ATG10: variants seen among roughly 807,000 people sequenced by gnomAD.
ATG10 encodes ubiquitin-like-conjugating enzyme ATG10.
ATG10 carries 30 observed loss-of-function variants against 32.1 expected under a neutral mutation model. The ratio of observed to expected loss-of-function variants is 0.94; its 90% CI spans 0.70 to 1.27. The LOEUF is 1.27. Ranked by LOEUF, ATG10 falls within the 50% of genes most tolerant of loss-of-function variation. The pLI, the probability that ATG10 is intolerant of heterozygous loss-of-function variation, is 0.00. For missense variants in ATG10, 233 were observed against 262.3 expected, an observed-to-expected ratio of 0.89 and a Z score of 0.77; for synonymous variants, 87 against 91.5, an observed-to-expected ratio of 0.95 and a Z score of 0.28.
intron 4 of ATG10, among the ~76,000 whole-genome samples, chr5:82,176,956 A>C (rs1450966930): frequency 6.6e-6 from 1 of 152,228 alleles, no homozygotes; most frequent in East Asian, 1.9e-4. Context: ...TTTAGGTCAA[A>C]CATGAGAAAT....
At chr5:82,118,202 A>G (rs1383029471) in intron 3 of ATG10, among the ~76,000 whole-genome samples, 4 of 150,750 alleles carry the variant, frequency 2.7e-5, no homozygotes, top group Admixed American at 6.6e-5. Flanking sequence ...CTTTGTAATT[A>G]CATGTGTAAT....
At chr5:82,033,762 A>ATG (rs952580888) in intron 2 of ATG10, among the ~76,000 whole-genome samples, 13 of 147,344 alleles carry the variant, frequency 8.8e-5, no homozygotes, top group Admixed American at 2.7e-4. Flanking sequence ...ACACACACAT[A>ATG]TGTGTGTATA....
chr5:82,131,641 C>CTT (rs71000885), intron 3 of ATG10, among the ~76,000 whole-genome samples: 11 of 146,442 alleles, frequency 7.5e-5, no homozygotes, highest in Non-Finnish European at 1.1e-4. Context: ...TTTTATTCTA[C>CTT]TTTTTTTTTT....
At chr5:82,094,587 A>T (rs1031039616) in intron 3 of ATG10, among the ~76,000 whole-genome samples, 1 of 152,264 alleles carries the variant, frequency 6.6e-6, no homozygotes, top group South Asian at 2.1e-4. Flanking sequence ...AAATACGCTC[A>T]TAAGTTTTAA....
chr5:82,246,026 A>G (rs1194477444), intron 5 of ATG10, among the ~76,000 whole-genome samples: 2 of 151,570 alleles, frequency 1.3e-5, no homozygotes, highest in Non-Finnish European at 2.9e-5. Flanking sequence ...TCTCAAAAAC[A>G]TGCTTACTAA....
chr5:82,159,822 A>G (rs1190421934), intron 3 of ATG10, among the ~76,000 whole-genome samples: 1 of 152,184 alleles, frequency 6.6e-6, no homozygotes, highest in Non-Finnish European at 1.5e-5. Context: ...ACAAGCCTCA[A>G]ATTGCCTCAC....
intron 3 of ATG10, among the ~76,000 whole-genome samples, chr5:82,076,710 T>C (rs1175216292): frequency 6.6e-6 from 1 of 152,168 alleles, no homozygotes; most frequent in African/African-American, 2.4e-5. Context: ...ATACTAGAAG[T>C]CAGATAATAT....
chr5:82,022,290 T>C (rs901789683), intron 2 of ATG10, among the ~76,000 whole-genome samples: 8 of 152,102 alleles, frequency 5.3e-5, no homozygotes, highest in Non-Finnish European at 7.4e-5. Flanking sequence ...CATGTTTAGT[T>C]TTTAAAATAT....
intron 3 of ATG10, among the ~76,000 whole-genome samples, chr5:82,069,301 A>AT (rs572096917): frequency 4.6e-4 from 70 of 151,486 alleles, no homozygotes; most frequent in Non-Finnish European, 8.4e-4. Context: ...ACTTGTCTGG[A>AT]TTTTTTTTTA....
intron 2 of ATG10, among the ~76,000 whole-genome samples, chr5:82,030,824 T>G (rs1762723761): frequency 6.6e-6 from 1 of 152,218 alleles, no homozygotes; most frequent in Admixed American, 6.5e-5. Context: ...TCTTGTGTCT[T>G]AAAATTGTGT....
intron 2 of ATG10, among the ~76,000 whole-genome samples, chr5:81,993,364 T>TTTCTTTCTTTCTTTCTTTC (rs374179266): frequency 2.9e-5 from 1 of 34,142 alleles, no homozygotes; most frequent in African/African-American, 1.2e-4. Flanking sequence ...TCTTTCCTTC[T>TTTCTTTCTTTCTTTCTTTC]TTTCTTTTCT....
chr5:82,097,401 A>G (rs1327918278), intron 3 of ATG10, among the ~76,000 whole-genome samples: 1 of 152,172 alleles, frequency 6.6e-6, no homozygotes, highest in Non-Finnish European at 1.5e-5. Flanking sequence ...GAAAAGGTTT[A>G]TCAAAACATC....
At chr5:82,055,193 A>C (rs1203023454) in intron 2 of ATG10, among the ~76,000 whole-genome samples, 2 of 152,118 alleles carry the variant, frequency 1.3e-5, no homozygotes, top group African/African-American at 2.4e-5. Context: ...AATCCAAAAA[A>C]CTCTATATTT....
intron 5 of ATG10, among the ~76,000 whole-genome samples, chr5:82,236,382 C>T (rs548178894): frequency 2.0e-4 from 30 of 152,212 alleles, no homozygotes; most frequent in African/African-American, 5.3e-4. Context: ...TTTGGGAACT[C>T]GGAGTTCTGG....
chr5:82,136,733 AT>A, intron 3 of ATG10, among the ~76,000 whole-genome samples: 1 of 152,094 alleles, frequency 6.6e-6, no homozygotes, highest in South Asian at 2.1e-4. Context: ...TATTCTCTGA[AT>A]TTTCTGAATT....
chr5:82,190,734 A>G (rs1744627114), intron 5 of ATG10, among the ~76,000 whole-genome samples: 1 of 127,516 alleles, frequency 7.8e-6, no homozygotes, highest in South Asian at 2.7e-4. Flanking sequence ...AGATCACACC[A>G]CTGCACTCCA....
chr5:82,106,951 A>G (rs1184201423), intron 3 of ATG10, among the ~76,000 whole-genome samples: 1 of 152,008 alleles, frequency 6.6e-6, no homozygotes, highest in Non-Finnish European at 1.5e-5. Context: ...AGGTTCTTTC[A>G]GCAAGTGTTT....
chr5:82,005,934 A>C (rs1761976694), intron 2 of ATG10, among the ~76,000 whole-genome samples: 1 of 152,180 alleles, frequency 6.6e-6, no homozygotes, highest in South Asian at 2.1e-4. Context: ...TCTCTTCTAA[A>C]CATACTTGAT....
At chr5:81,983,270 T>A (rs1339126067) in intron 1 of ATG10, among the ~76,000 whole-genome samples, 1 of 132,796 alleles carries the variant, frequency 7.5e-6, no homozygotes, top group Non-Finnish European at 1.6e-5. Context: ...ACGGGGTGGC[T>A]GGCTGGGCGG....
Sources: allele counts gnomAD v4.1 joint callset (sites outside exome capture counted in the v4.1 genomes callset), GRCh38; gene constraint gnomAD v4.1.1; transcripts MANE v1.5; gene names NCBI Gene and HGNC (gene_info 2026-07-23, HGNC 2026-07-21).